The following GALNT7 variants were observed in gnomAD, a reference collection of about 807,000 sequenced individuals.
GALNT7 encodes the protein N-acetylgalactosaminyltransferase 7.
Under a neutral mutation model 82.1 loss-of-function variants are expected in GALNT7, and 60 were observed. That is an observed-to-expected ratio of 0.73 (90% CI 0.59 to 0.91). GALNT7 has a LOEUF of 0.91. Among genes scored for constraint, GALNT7 ranks in the 40% least tolerant of loss-of-function variants. The pLI is 0.00. For synonymous variants in GALNT7, 243 were observed against 275.1 expected (o/e 0.88, Z 1.15); for missense variants, 660 against 804.2 (o/e 0.82, Z 2.17).
rs558595518 is a variant in GALNT7, at chr4:173,238,033, T to A, written c.127-9947T>A. The stretch of plus-strand genomic sequence containing the variant: ...ATGCTGTGGTTATTCTTTTGAAGGG[T>A]CTGTTTAGCAGGGTTAATTTCTTAT... On this transcript the variant is annotated intron_variant, in intron 1 of 11. Transcript: ENST00000265000. 6.0e-4 allele frequency among the ~76,000 whole-genome samples: 92 copies of A among 152,310 alleles called. 1 individual carries two copies. The highest frequency in any genetic ancestry group is 1.2e-3 in the Non-Finnish European group (81 of 68,016).
rs905335139 is a variant in GALNT7, at chr4:173,311,479, C to T, written c.1390-2479C>T. On this transcript the variant is annotated intron_variant, in intron 8 of 11. Coordinates refer to ENST00000265000, the MANE Select transcript of GALNT7 (RefSeq NM_017423.3). ...ACAGGAAGCTTGGCAGCTTCCGCTT[C>T]TAAGAAAGCTCAGGAAGCTTCCAAT... is the stretch of plus-strand genomic sequence containing the variant. Among the ~76,000 whole-genome samples the T allele has an allele frequency of 1.2e-4, 19 of 152,212 alleles. 1 individual carries two copies. The highest frequency in any genetic ancestry group is 2.1e-4 in the Non-Finnish European group (14 of 68,038).
At chr4:173,227,662 C>CACAT (rs371196523) in intron 1 of GALNT7, among the ~76,000 whole-genome samples, 1 of 152,262 alleles carries the variant, frequency 6.6e-6, no homozygotes, top group East Asian at 1.9e-4. Flanking sequence ...TGTGCCTCTT[C>CACAT]ACATAGAGTG....
Position 173,315,910 on chromosome 4 carries a change from C to T in GALNT7, c.1609-1724C>T, listed in dbSNP as rs111714991. On this transcript the variant is annotated intron_variant, in intron 9 of 11. Transcript: ENST00000265000. ...AAAACTTTGGAGTCTTCCATGAATC[C>T]TGTCTTTGTCTCGCACTTCATATCT... 901 of 152,368 alleles carry T rather than the reference C, an allele frequency of 5.9e-3. 11 individuals carry two copies. Among genetic ancestry groups the T allele is most frequent in the African/African-American group, 0.021 (862 of 41,568 alleles). 9.4% of individuals were successfully genotyped at this position (152,368 alleles called of 1,614,324 possible).
At chr4:173,184,842 A>G (rs992259843) in intron 1 of GALNT7, among the ~76,000 whole-genome samples, 7 of 152,124 alleles carry the variant, frequency 4.6e-5, no homozygotes, top group African/African-American at 1.4e-4. Flanking sequence ...CTCCATCCCC[A>G]TTACTTCTTG....
Position 173,302,047 on chromosome 4 carries a change from G to T in GALNT7, c.1149G>T (p.Arg383=). 1 of 1,420,940 alleles carries T rather than the reference G, an allele frequency of 7.0e-7. No individual in the cohort carries two copies. The highest frequency in any genetic ancestry group is 1.0e-6 in the Non-Finnish European group (1 of 1,004,478). 88.0% of individuals were successfully genotyped at this position (1,420,940 alleles called of 1,614,324 possible). A position where few individuals can be genotyped will look rare whatever the true frequency, so the allele number is the denominator to read the frequency against. The change falls in exon 7 of 12, where the codon CGG becomes CGT. Residue 383 remains arginine, a splice_region_variant and synonymous_variant. Coordinates refer to ENST00000265000, the MANE Select transcript of GALNT7 (RefSeq NM_017423.3). The surrounding 1 kb of genome is among the most constrained non-coding windows in gnomAD (Gnocchi z 4.2). The part of the protein sequence containing the change: ...RLRKTKTEPY[R]SPAMAGGLFA... ...TTATTGCAGTGTTTCTTTTTCTTAG[G>T]TCCCCAGCCATGGCTGGGGGATTAT...
chr4:173,269,024 G>T (rs977479827), intron 2 of GALNT7, among the ~76,000 whole-genome samples: 1 of 152,050 alleles, frequency 6.6e-6, no homozygotes, highest in Non-Finnish European at 1.5e-5. Flanking sequence ...TAGTTAGTGG[G>T]CAAAATGCCC....
intron 2 of GALNT7, among the ~76,000 whole-genome samples, chr4:173,254,121 G>C (rs1192108988): frequency 6.6e-6 from 1 of 152,182 alleles, no homozygotes; most frequent in Non-Finnish European, 1.5e-5. Context: ...ATTACAAAGT[G>C]AGATGATAGA....
chr4:173,188,239 G>T (rs902071679), intron 1 of GALNT7, among the ~76,000 whole-genome samples: 2 of 152,132 alleles, frequency 1.3e-5, no homozygotes, highest in African/African-American at 4.8e-5. Context: ...AAATTACCTT[G>T]CCCAAGGTCA....
chr4:173,198,883 A>G (rs1362641134), intron 1 of GALNT7, among the ~76,000 whole-genome samples: 8 of 152,158 alleles, frequency 5.3e-5, no homozygotes, highest in South Asian at 2.1e-4. Flanking sequence ...AGTGAGAGCT[A>G]TTTCAGATCA....
chr4:173,264,576 CT>C (rs1735409475), intron 2 of GALNT7, among the ~76,000 whole-genome samples: 1 of 152,284 alleles, frequency 6.6e-6, no homozygotes, highest in Admixed American at 6.5e-5. Context: ...CCCCAGAATC[CT>C]TTTTCAAGTG....
chr4:173,245,358 G>A (rs1734588732), intron 1 of GALNT7, among the ~76,000 whole-genome samples: 1 of 151,958 alleles, frequency 6.6e-6, no homozygotes, highest in Admixed American at 6.6e-5. Flanking sequence ...CTAAACTATG[G>A]CGTGTATTTC....
At chr4:173,209,618 C>T (rs1282010997) in intron 1 of GALNT7, among the ~76,000 whole-genome samples, 2 of 152,242 alleles carry the variant, frequency 1.3e-5, no homozygotes, top group Admixed American at 6.5e-5. Flanking sequence ...ACCTCCCAGT[C>T]ACCCAATCTG....
At chr4:173,171,864 A>G (rs898747117) in intron 1 of GALNT7, among the ~76,000 whole-genome samples, 1 of 152,238 alleles carries the variant, frequency 6.6e-6, no homozygotes, top group African/African-American at 2.4e-5. Flanking sequence ...AAATATATAA[A>G]TAAAAATTGT....
intron 1 of GALNT7, among the ~76,000 whole-genome samples, chr4:173,193,124 A>G (rs1732673409): frequency 6.6e-6 from 1 of 152,264 alleles, no homozygotes; most frequent in Non-Finnish European, 1.5e-5. Flanking sequence ...TGATATGGAC[A>G]GGGACAAACA....
chr4:173,187,007 C>T (rs1308902552), intron 1 of GALNT7, among the ~76,000 whole-genome samples: 2 of 152,228 alleles, frequency 1.3e-5, no homozygotes, highest in African/African-American at 2.4e-5. Context: ...CCACCCGCCT[C>T]GGCCGCCCAA....
chr4:173,183,350 G>A (rs895142856), intron 1 of GALNT7, among the ~76,000 whole-genome samples: 1 of 151,678 alleles, frequency 6.6e-6, no homozygotes, highest in Non-Finnish European at 1.5e-5. Flanking sequence ...GTCTTGAGAG[G>A]GATGAATGAT....
intron 1 of GALNT7, among the ~76,000 whole-genome samples, chr4:173,231,938 A>G (rs1413564281): frequency 1.2e-4 from 18 of 152,160 alleles, no homozygotes; most frequent in African/African-American, 4.8e-5. Flanking sequence ...AAACTAACAT[A>G]TAGGACAGTT....
chr4:173,316,028 T>C (rs1463339327), intron 9 of GALNT7: 1 of 151,762 alleles, frequency 6.6e-6, no homozygotes, highest in Non-Finnish European at 1.5e-5. Flanking sequence ...CTATTTCAAA[T>C]ACAGCAGTCA....
At chr4:173,278,922 G>A (rs928189999) in intron 2 of GALNT7, among the ~76,000 whole-genome samples, 4 of 152,098 alleles carry the variant, frequency 2.6e-5, no homozygotes, top group Non-Finnish European at 5.9e-5. Flanking sequence ...TTTGCTATGT[G>A]TAATGCACTG....
Sources: allele counts gnomAD v4.1 joint callset (sites outside exome capture counted in the v4.1 genomes callset), GRCh38; gene constraint gnomAD v4.1.1; non-coding constraint Gnocchi (gnomAD v3.1); transcripts MANE v1.5; gene names NCBI Gene and HGNC (gene_info 2026-07-23, HGNC 2026-07-21).